Variants in CNTN1 observed in about 807,000 individuals in gnomAD.
CNTN1 encodes contactin 1.
A neutral mutation model predicts 126.4 loss-of-function variants in CNTN1; 38 were observed. That is an observed-to-expected ratio of 0.30 (90% CI 0.23 to 0.39). CNTN1 has a LOEUF of 0.39. Among genes scored for constraint, CNTN1 ranks in the 10% least tolerant of loss-of-function variants. The pLI is 1.00. For missense variants in CNTN1, 1,009 were observed against 1,248.4 expected, an observed-to-expected ratio of 0.81 and a Z score of 2.89; for synonymous variants, 413 against 422.6, an observed-to-expected ratio of 0.98 and a Z score of 0.28.
intron 12 of CNTN1, 103 bp from the exon 13 acceptor site, chr12:40,943,494 A>G (rs919615735): frequency 1.3e-5 from 11 of 870,930 alleles, no homozygotes; most frequent in South Asian, 9.6e-5. Flanking sequence ...CATGATTTAT[A>G]TAGAATGTAA....
intron 1 of CNTN1, among the ~76,000 whole-genome samples, chr12:40,804,219 T>C (rs777504370): frequency 7.2e-5 from 11 of 152,022 alleles, no homozygotes; most frequent in Non-Finnish European, 1.3e-4. Context: ...AATTTCCATC[T>C]ATTCCTTTGA....
intron 14 of CNTN1, 146 bp from the exon 15 acceptor site, chr12:40,958,968 A>G: frequency 1.1e-6 from 1 of 884,054 alleles, no homozygotes; most frequent in Non-Finnish European, 1.8e-6. Flanking sequence ...TGAAGCCTAG[A>G]GCAAGGACAT....
intron 1 of CNTN1, among the ~76,000 whole-genome samples, chr12:40,867,411 A>G (rs910155511): frequency 6.6e-6 from 1 of 152,188 alleles, no homozygotes; most frequent in Admixed American, 6.6e-5. Flanking sequence ...ATGTCAGCTA[A>G]GTAAGAGGAA....
chr12:40,931,292 A>G (rs189739200), intron 7 of CNTN1, among the ~76,000 whole-genome samples: 74 of 151,964 alleles, frequency 4.9e-4, no homozygotes, highest in African/African-American at 1.7e-3. Flanking sequence ...GCCTTTCATG[A>G]ACTTTTCTTT....
At chr12:40,965,284 G>A (rs893682475) in intron 15 of CNTN1, among the ~76,000 whole-genome samples, 1 of 152,036 alleles carries the variant, frequency 6.6e-6, no homozygotes, top group Non-Finnish European at 1.5e-5. Flanking sequence ...TTCCTCCCCT[G>A]TATTTTCCAT....
At chr12:40,877,391 G>C (rs1365358037) in intron 1 of CNTN1, among the ~76,000 whole-genome samples, 1 of 152,174 alleles carries the variant, frequency 6.6e-6, no homozygotes, top group Non-Finnish European at 1.5e-5. Context: ...TCCTCTGAAA[G>C]TACTAGTTCC....
At chr12:40,989,620 T>G (rs942765219) in intron 16 of CNTN1, among the ~76,000 whole-genome samples, 2 of 152,178 alleles carry the variant, frequency 1.3e-5, no homozygotes, top group Admixed American at 6.5e-5. Flanking sequence ...CTATGCTTCT[T>G]GCATTGAGAC....
intron 23 of CNTN1, among the ~76,000 whole-genome samples, chr12:41,065,162 TCTC>T (rs1414047163): frequency 2.6e-5 from 4 of 152,190 alleles, no homozygotes; most frequent in Non-Finnish European, 5.9e-5. Context: ...TTCACGCCAT[TCTC>T]CTGCCTCAGC....
At chr12:40,695,904 T>A (rs1941438957) in intron 1 of CNTN1, among the ~76,000 whole-genome samples, 1 of 152,192 alleles carries the variant, frequency 6.6e-6, no homozygotes, top group South Asian at 2.1e-4. Context: ...CTAATCTCCC[T>A]CCCATTAGCC....
chr12:40,936,613 C>T (rs140286768), intron 9 of CNTN1, among the ~76,000 whole-genome samples, 168 bp from the exon 10 acceptor site: 65 of 152,176 alleles, frequency 4.3e-4, no homozygotes, highest in African/African-American at 1.5e-3. Flanking sequence ...ACAGGATTTG[C>T]GTAGGTTAAG....
chr12:40,834,836 A>G (rs1045296311), intron 1 of CNTN1, among the ~76,000 whole-genome samples: 3 of 152,126 alleles, frequency 2.0e-5, no homozygotes, highest in Non-Finnish European at 4.4e-5. Context: ...ATAGAAGGAA[A>G]ATTTTAGTAT....
intron 1 of CNTN1, among the ~76,000 whole-genome samples, chr12:40,895,638 G>A (rs888569405): frequency 5.3e-5 from 8 of 151,950 alleles, no homozygotes; most frequent in Non-Finnish European, 1.0e-4. Flanking sequence ...ACCTCTTTAA[G>A]GTCTCCTCTT....
chr12:40,950,930 T>A (rs1946651776), intron 14 of CNTN1, among the ~76,000 whole-genome samples: 1 of 151,862 alleles, frequency 6.6e-6, no homozygotes, highest in Non-Finnish European at 1.5e-5. Flanking sequence ...TATATATATA[T>A]AAGAATGCCA....
intron 3 of CNTN1, among the ~76,000 whole-genome samples, chr12:40,912,404 A>G (rs1346837271): frequency 2.5e-5 from 1 of 40,562 alleles, no homozygotes; most frequent in African/African-American, 1.2e-4. Context: ...TTCAGAAAGA[A>G]AAAAAAAAAC....
At chr12:40,854,186 C>T (rs1942818219) in intron 1 of CNTN1, among the ~76,000 whole-genome samples, 1 of 151,734 alleles carries the variant, frequency 6.6e-6, no homozygotes, top group South Asian at 2.1e-4. Context: ...GTGGTAAATA[C>T]ACATATTAAA....
chr12:40,894,304 A>C (rs1944332937), intron 1 of CNTN1, among the ~76,000 whole-genome samples: 1 of 152,194 alleles, frequency 6.6e-6, no homozygotes, highest in African/African-American at 2.4e-5. Flanking sequence ...ATCTTGAAAG[A>C]TAAGCTCTAT....
chr12:40,830,936 C>CAT (rs10592424), intron 1 of CNTN1, among the ~76,000 whole-genome samples: 768 of 66,068 alleles, frequency 0.012, 7 homozygotes, highest in African/African-American at 0.03. Flanking sequence ...TATACATATA[C>CAT]ATATATATAT....
At chr12:41,050,849 G>A (rs763857215) in intron 23 of CNTN1, among the ~76,000 whole-genome samples, 15 of 152,008 alleles carry the variant, frequency 9.9e-5, no homozygotes, top group African/African-American at 2.9e-4. Flanking sequence ...AGGAAGCCTC[G>A]TTACATATTA....
chr12:40,968,863 G>A (rs1251778123), intron 15 of CNTN1, among the ~76,000 whole-genome samples: 1 of 152,142 alleles, frequency 6.6e-6, no homozygotes, highest in Admixed American at 6.6e-5. Context: ...ACAGAAGTCA[G>A]ACCATATAAT....
Sources: gnomAD v4.1 joint callset for allele counts (sites outside exome capture counted in the v4.1 genomes callset) on GRCh38, gnomAD v4.1.1 for gene constraint, MANE v1.5 for transcripts, NCBI Gene and HGNC (gene_info 2026-07-23, HGNC 2026-07-21) for gene names.